ELAVL4: variants seen among roughly 807,000 people sequenced by gnomAD.
ELAVL4 encodes ELAV-like protein 4.
A neutral mutation model predicts 35.6 loss-of-function variants in ELAVL4; 1 was observed. That is an observed-to-expected ratio of 0.03 (90% CI 0.01 to 0.13). ELAVL4 has a LOEUF of 0.13. Ranked by LOEUF, ELAVL4 falls within the 10% of genes least tolerant of loss-of-function variation. ELAVL4 has a pLI of 1.00. For synonymous variants in ELAVL4, 156 were observed against 171.0 expected (o/e 0.91, Z 0.69); for missense variants, 267 against 464.9 (o/e 0.57, Z 3.91).
At chr1:50,115,352 T>C (rs1667768467) in intron 1 of ELAVL4, 3 of 152,056 alleles carry the variant, frequency 2.0e-5, no homozygotes, top group African/African-American at 7.2e-5. Context: ...TGTGCTTGCG[T>C]TTTTGTTTTT....
intron 1 of ELAVL4, among the ~76,000 whole-genome samples, chr1:50,094,013 G>C (rs867181274): frequency 6.6e-6 from 1 of 152,134 alleles, no homozygotes; most frequent in Non-Finnish European, 1.5e-5. Context: ...CATATAAAGA[G>C]CTAAGAGTAG....
At chr1:50,196,946 C>T (rs958126931) in intron 5 of ELAVL4, among the ~76,000 whole-genome samples, 8 of 152,160 alleles carry the variant, frequency 5.3e-5, no homozygotes, top group African/African-American at 1.9e-4. Flanking sequence ...ACTCCCCCTG[C>T]CTCCCAAAAA....
At position 50,202,445 on chromosome 1, in the gene ELAVL4, A is replaced by T. The variant is rs1011654475; in HGVS notation, c.*1267A>T. On this transcript the variant is annotated 3_prime_UTR_variant, in exon 7 of 7. Coordinates refer to ENST00000371824, the MANE Select transcript of ELAVL4 (RefSeq NM_001144774.3). ...GCTTTAAATTCATTAAGAAATTTTC[A>T]AATTCACTTTGTAGCCCATGCTGAT... The T allele has an allele frequency of 8.5e-5, 13 of 152,200 alleles. No homozygotes were observed. Among genetic ancestry groups the T allele is most frequent in the Admixed American group, 7.9e-4 (12 of 15,280 alleles). The allele number at this position is 152,200 out of a possible 1,614,324, so 9.4% of individuals were successfully genotyped here. A position where few individuals can be genotyped will look rare whatever the true frequency, so the allele number is the denominator to read the frequency against.
At chr1:50,074,646 G>T (rs961954398) in intron 1 of ELAVL4, among the ~76,000 whole-genome samples, 3 of 152,192 alleles carry the variant, frequency 2.0e-5, no homozygotes, top group Non-Finnish European at 4.4e-5. Flanking sequence ...AGCTGTGGGA[G>T]TTTATGCACA....
chr1:50,085,864 C>T (rs192360709), intron 1 of ELAVL4, among the ~76,000 whole-genome samples: 16 of 152,272 alleles, frequency 1.1e-4, no homozygotes, highest in South Asian at 2.1e-4. Flanking sequence ...AGGGAGGCAG[C>T]GAAGGGGGAG....
At chr1:50,189,886 G>C (rs905825178) in intron 3 of ELAVL4, among the ~76,000 whole-genome samples, 2 of 152,176 alleles carry the variant, frequency 1.3e-5, no homozygotes, top group Admixed American at 1.3e-4. Context: ...GTGAGTACTG[G>C]AGCTGACCCA....
intron 1 of ELAVL4, among the ~76,000 whole-genome samples, chr1:50,138,638 G>A (rs1438872380): frequency 6.6e-6 from 1 of 152,040 alleles, no homozygotes; most frequent in African/African-American, 2.4e-5. Context: ...GCAAATTTTT[G>A]TATTTTTAGT....
chr1:50,201,819 A>AG lies in ELAVL4; in HGVS notation c.*646dup, dbSNP rs1482062101. 1 of 151,990 alleles carries AG rather than the reference A, an allele frequency of 6.6e-6. No individual in the cohort carries two copies. The highest frequency in any genetic ancestry group is 1.9e-4 in the East Asian group (1 of 5,198). 9.4% of individuals were successfully genotyped at this position (151,990 alleles called of 1,614,324 possible). A position where few individuals can be genotyped will look rare whatever the true frequency, so the allele number is the denominator to read the frequency against. On this transcript the variant is annotated 3_prime_UTR_variant, in exon 7 of 7. Coordinates refer to ENST00000371824, the MANE Select transcript of ELAVL4 (RefSeq NM_001144774.3). This position sits in a 1 kb window ranked among gnomAD's most constrained non-coding sequence, Gnocchi z 4.3. The stretch of plus-strand genomic sequence containing the variant: ...AGTCTTCTGTTAGGGGATGGGGGCA[A>AG]GGGGGATACCTGATGACATTAACAA...
intron 2 of ELAVL4, among the ~76,000 whole-genome samples, chr1:50,161,496 T>C (rs1357578845): frequency 1.3e-5 from 2 of 152,218 alleles, no homozygotes; most frequent in East Asian, 3.8e-4. Context: ...AGTTTTTTTT[T>C]AACTAAGTAC....
intron 1 of ELAVL4, among the ~76,000 whole-genome samples, chr1:50,051,273 T>G (rs1360645659): frequency 6.6e-6 from 1 of 152,186 alleles, no homozygotes; most frequent in Admixed American, 6.5e-5. Context: ...CTTTTTATTT[T>G]TACTTCAGAC....
exon 1 of ELAVL4, chr1:50,048,062 G>C: frequency 7.4e-7 from 1 of 1,351,268 alleles, no homozygotes; most frequent in Non-Finnish European, 9.6e-7. Context: ...CGCAGAGCGA[G>C]CTAGAGAGCG....
intron 1 of ELAVL4, among the ~76,000 whole-genome samples, chr1:50,060,517 C>T (rs997019881): frequency 2.6e-5 from 4 of 152,182 alleles, no homozygotes; most frequent in Admixed American, 2.0e-4. Flanking sequence ...GGCTCAGGAT[C>T]AAGATCCAGA....
chr1:50,146,232 T>G (rs1673695599), intron 2 of ELAVL4, among the ~76,000 whole-genome samples: 1 of 152,096 alleles, frequency 6.6e-6, no homozygotes, highest in African/African-American at 2.4e-5. Context: ...AGAGAATACA[T>G]TCTATATGTG....
intron 2 of ELAVL4, among the ~76,000 whole-genome samples, chr1:50,159,330 G>C (rs1676336571): frequency 2.0e-5 from 3 of 152,150 alleles, no homozygotes; most frequent in Non-Finnish European, 4.4e-5. Context: ...TTTATTGGTG[G>C]GGCATGGTGC....
chr1:50,138,174 G>A (rs2148664442), intron 1 of ELAVL4, among the ~76,000 whole-genome samples: 1 of 152,306 alleles, frequency 6.6e-6, no homozygotes, highest in South Asian at 2.1e-4. Flanking sequence ...GTCAGTGGAA[G>A]GGCTGGGGTA....
intron 1 of ELAVL4, among the ~76,000 whole-genome samples, chr1:50,139,447 G>A (rs951329533): frequency 2.4e-4 from 36 of 152,250 alleles, no homozygotes; most frequent in Admixed American, 2.2e-3. Flanking sequence ...ACAGGGTTGG[G>A]CTTCATGGAC....
chr1:50,107,374 C>G (rs1042899368), upstream of ELAVL4, among the ~76,000 whole-genome samples: 4 of 152,154 alleles, frequency 2.6e-5, no homozygotes, highest in African/African-American at 9.7e-5. Flanking sequence ...ATACTCAAGT[C>G]TAATGGATTA....
At chr1:50,197,374 G>A in intron 5 of ELAVL4, 55 bp from the exon 6 acceptor site, 1 of 1,524,130 alleles carries the variant, frequency 6.6e-7, no homozygotes, top group Non-Finnish European at 8.8e-7. Flanking sequence ...TAGTTCCATT[G>A]AGCGATCTTG....
chr1:50,113,612 A>AT (rs1365145298), intron 1 of ELAVL4, among the ~76,000 whole-genome samples: 1 of 151,916 alleles, frequency 6.6e-6, no homozygotes, highest in Non-Finnish European at 1.5e-5. Flanking sequence ...GCAATGCAGT[A>AT]TTTTTTTCCC....
Sources: gnomAD v4.1 joint callset for allele counts (sites outside exome capture counted in the v4.1 genomes callset) on GRCh38, gnomAD v4.1.1 for gene constraint, Gnocchi (gnomAD v3.1) non-coding constraint, MANE v1.5 for transcripts, NCBI Gene and HGNC (gene_info 2026-07-23, HGNC 2026-07-21) for gene names.